MGAM2: variants seen among roughly 807,000 people sequenced by gnomAD.
MGAM2 encodes the protein maltase-glucoamylase 2 (putative), also known as probable maltase-glucoamylase 2.
Under a neutral mutation model 96.1 loss-of-function variants are expected in MGAM2, and 98 were observed. The ratio of observed to expected loss-of-function variants is 1.02; its 90% CI spans 0.87 to 1.21. MGAM2 has a LOEUF of 1.21. Among genes scored for constraint, MGAM2 ranks in the 50% most tolerant of loss-of-function variants. The probability of loss-of-function intolerance (pLI) is 0.00; values close to 1 mark genes in which losing one functional copy is unlikely to be tolerated. For synonymous variants in MGAM2, 749 were observed against 414.8 expected (o/e 1.81, Z -9.79); for missense variants, 2,055 against 1,182.4 (o/e 1.74, Z -10.82).
At chr7:142,143,920 C>G (rs1478859469) in intron 13 of MGAM2, 38 bp downstream of exon 13, 3 of 698,492 alleles carry the variant, frequency 4.3e-6, no homozygotes, top group Non-Finnish European at 7.8e-6. Flanking sequence ...CCTTTGGAAA[C>G]AGATAACGCC....
intron 37 of MGAM2, 122 bp downstream of exon 37, chr7:142,189,627 A>T (rs749043898): frequency 4.1e-6 from 2 of 483,832 alleles, no homozygotes; most frequent in Admixed American, 3.9e-5. Flanking sequence ...TCAAAATTTC[A>T]GGCACGGTTG....
At chr7:142,208,762 G>T in intron 46 of MGAM2, 140 bp downstream of exon 46, 2 of 564,214 alleles carry the variant, frequency 3.5e-6, no homozygotes, top group East Asian at 2.9e-5. Context: ...CAGGTCTGTT[G>T]TCATTAAAGT....
intron 37 of MGAM2, among the ~76,000 whole-genome samples, chr7:142,190,191 T>A (rs1796825764): frequency 1.3e-5 from 2 of 152,160 alleles, no homozygotes; most frequent in East Asian, 3.9e-4. Flanking sequence ...GTGGAACTTC[T>A]GTGTCATATA....
At chr7:142,136,667 A>T (rs1795068120) in intron 8 of MGAM2, 27 bp downstream of exon 8, 1 of 676,688 alleles carries the variant, frequency 1.5e-6, no homozygotes, top group Non-Finnish European at 2.7e-6. Context: ...TATCTTCTGT[A>T]GGTAGGAATA....
chr7:142,138,498 GC>G, intron 9 of MGAM2, 43 bp from the exon 10 acceptor site: 1 of 690,590 alleles, frequency 1.4e-6, no homozygotes, highest in Non-Finnish European at 2.6e-6. Context: ...ATGAAATGGG[GC>G]TAATGTTATT....
At chr7:142,150,017 A>G (rs1000562199) in intron 15 of MGAM2, among the ~76,000 whole-genome samples, 2 of 149,888 alleles carry the variant, frequency 1.3e-5, no homozygotes, top group Non-Finnish European at 3.0e-5. Flanking sequence ...TCTCAGCACA[A>G]TGAAACCTCC....
At chr7:142,113,374 C>T (rs369260187) in intron 1 of MGAM2, among the ~76,000 whole-genome samples, 1 of 152,028 alleles carries the variant, frequency 6.6e-6, no homozygotes, top group Non-Finnish European at 1.5e-5. Flanking sequence ...ATTCAGAGAT[C>T]CATTAAAGGC....
At chr7:142,161,235 T>C (rs746779736) in intron 22 of MGAM2, 22 bp downstream of exon 22, 1 of 701,448 alleles carries the variant, frequency 1.4e-6, no homozygotes, top group South Asian at 1.5e-5. Context: ...CAAGGCACCA[T>C]CCCTGTGGAT....
chr7:142,195,309 C>T (rs1286794753), intron 37 of MGAM2, among the ~76,000 whole-genome samples: 4 of 143,260 alleles, frequency 2.8e-5, no homozygotes, highest in Non-Finnish European at 1.5e-5. Flanking sequence ...GCTGGGATTA[C>T]ATGTGTGAGT....
At position 142,220,273 on chromosome 7, in the gene MGAM2, C is replaced by T. The variant is rs1470596358; in HGVS notation, c.5762C>T (p.Thr1921Ile). Residue 1921 changes from threonine (T) to isoleucine (I), a missense_variant, in exon 48 of 48, where the codon ACT becomes ATT. By Grantham distance (89) the Thr-to-Ile change is moderately conservative. Transcript: ENST00000477922. Reference sequence around the variant, plus strand: ...ACTAATGCTACTGTTCCCAATACAACTGCCCCTTTCCCAACAAATGCTAGT... The same window carrying T: ...ACTAATGCTACTGTTCCCAATACAATTGCCCCTTTCCCAACAAATGCTAGT... ...VTTNATVPNT[T>I]APFPTNASTA... is the part of the protein sequence containing the mutation. 3 of 702,702 alleles carry T rather than the reference C, an allele frequency of 4.3e-6. No individual in the cohort carries two copies. Among genetic ancestry groups the T allele is most frequent in the African/African-American group, 3.5e-5 (2 of 57,316 alleles). The allele number at this position is 702,702 out of a possible 1,614,324, so 43.5% of individuals were successfully genotyped here.
intron 5 of MGAM2, 142 bp from the exon 6 acceptor site, chr7:142,131,789 G>A (rs1794896385): frequency 3.3e-6 from 2 of 611,476 alleles, no homozygotes; most frequent in Non-Finnish European, 2.9e-6. Context: ...GTAATTGGGT[G>A]ATTTCACAAA....
At chr7:142,191,872 T>G (rs1195812977) in intron 37 of MGAM2, among the ~76,000 whole-genome samples, 1 of 152,210 alleles carries the variant, frequency 6.6e-6, no homozygotes, top group East Asian at 1.9e-4. Flanking sequence ...TCCACTTATT[T>G]AGATCTTTAA....
chr7:142,171,776 T>C (rs916419292), intron 28 of MGAM2, among the ~76,000 whole-genome samples: 1 of 150,760 alleles, frequency 6.6e-6, no homozygotes, highest in Non-Finnish European at 1.5e-5. Flanking sequence ...TGCTTATCTG[T>C]ACATTTAATA....
At chr7:142,201,179 C>T (rs1349969977) in intron 45 of MGAM2, among the ~76,000 whole-genome samples, 1 of 138,650 alleles carries the variant, frequency 7.2e-6, no homozygotes, top group Non-Finnish European at 1.5e-5. Context: ...AAGTGATTCT[C>T]CTGGCTCAGC....
chr7:142,221,286 A>G lies in MGAM2; in HGVS notation c.6775A>G (p.Thr2259Ala). ...NITSNSISITTTSFGNSVPFV... is the reference protein window; with the variant it reads ...NITSNSISITATSFGNSVPFV... ...AACTAGTAATAGTATTTCCATAACA[A>G]CTACTTCTTTTGGTAATAGTGTTCC... The change falls in exon 48 of 48, where the codon ACT (threonine) becomes GCT (alanine). Residue 2259 changes from threonine (T) to alanine (A), a missense_variant. Coordinates refer to ENST00000477922, the MANE Select transcript of MGAM2 (RefSeq NM_001293626.2). The G allele has an allele frequency of 1.5e-6, 1 of 677,460 alleles. No homozygotes were observed. Among genetic ancestry groups the G allele is most frequent in the Non-Finnish European group, 2.7e-6 (1 of 371,926 alleles). 42.0% of individuals were successfully genotyped at this position (677,460 alleles called of 1,614,324 possible).
chr7:142,214,218 G>T (rs1797677774), intron 46 of MGAM2, among the ~76,000 whole-genome samples: 1 of 152,116 alleles, frequency 6.6e-6, no homozygotes, highest in African/African-American at 2.4e-5. Flanking sequence ...ATAGGAAAAA[G>T]CTGGAAGCTT....
intron 19 of MGAM2, among the ~76,000 whole-genome samples, chr7:142,158,814 G>A (rs193128352): frequency 6.6e-6 from 1 of 152,316 alleles, no homozygotes; most frequent in East Asian, 1.9e-4. Flanking sequence ...TTGGGAGCAG[G>A]GGTAAGTGGC....
chr7:142,216,968 T>G (rs1360988285), intron 46 of MGAM2, among the ~76,000 whole-genome samples: 1 of 152,190 alleles, frequency 6.6e-6, no homozygotes, highest in Non-Finnish European at 1.5e-5. Flanking sequence ...CTTGCACTCC[T>G]CCATGAATGT....
At chr7:142,205,427 A>G (rs752430177) in intron 45 of MGAM2, among the ~76,000 whole-genome samples, 22 of 152,122 alleles carry the variant, frequency 1.4e-4, no homozygotes, top group Non-Finnish European at 2.6e-4. Flanking sequence ...CATCTCAATC[A>G]GCAGTGTATG....
Sources: gnomAD v4.1 joint callset for allele counts (sites outside exome capture counted in the v4.1 genomes callset) on GRCh38, gnomAD v4.1.1 for gene constraint, MANE v1.5 for transcripts, NCBI Gene and HGNC (gene_info 2026-07-23, HGNC 2026-07-21) for gene names.